DPP10: variants seen among roughly 807,000 people sequenced by gnomAD.
DPP10 encodes the protein inactive dipeptidyl peptidase 10.
DPP10 carries 33 observed loss-of-function variants against 120.9 expected under a neutral mutation model. The ratio of observed to expected loss-of-function variants is 0.27; its 90% CI spans 0.21 to 0.37. The LOEUF (loss-of-function observed/expected upper bound fraction) is 0.37. Among genes scored for constraint, DPP10 ranks in the 10% least tolerant of loss-of-function variants. The pLI is 1.00. For synonymous variants in DPP10, 337 were observed against 326.1 expected, an observed-to-expected ratio of 1.03 and a Z score of -0.36; for missense variants, 816 against 942.8, an observed-to-expected ratio of 0.87 and a Z score of 1.76.
intron 1 of DPP10, among the ~76,000 whole-genome samples, chr2:115,189,709 A>G (rs2054726361): frequency 2.0e-5 from 3 of 152,180 alleles, no homozygotes; most frequent in Admixed American, 2.0e-4. Context: ...GAGAATTTAG[A>G]ATTAATAATG....
At chr2:114,958,402 A>C (rs190357081) in intron 1 of DPP10, among the ~76,000 whole-genome samples, 242 of 152,278 alleles carry the variant, frequency 1.6e-3, no homozygotes, top group Middle Eastern at 0.01. Flanking sequence ...GGCCATATTT[A>C]GCTCACTTTA....
intron 1 of DPP10, among the ~76,000 whole-genome samples, chr2:114,576,116 G>T (rs1023054868): frequency 1.3e-5 from 2 of 152,226 alleles, no homozygotes; most frequent in African/African-American, 2.4e-5. Context: ...GGAAGAGATG[G>T]CAGTGCCAAG....
chr2:114,791,698 T>G (rs1683255123), intron 1 of DPP10, among the ~76,000 whole-genome samples: 1 of 152,178 alleles, frequency 6.6e-6, no homozygotes, highest in Non-Finnish European at 1.5e-5. Flanking sequence ...GTGGCTTGTG[T>G]TAATGACTCA....
chr2:114,665,368 G>A (rs1697841923), intron 1 of DPP10, among the ~76,000 whole-genome samples: 1 of 152,092 alleles, frequency 6.6e-6, no homozygotes, highest in Non-Finnish European at 1.5e-5. Flanking sequence ...CTGCCAGAAG[G>A]GAAATCAGCT....
chr2:114,624,043 G>A (rs1216468198), intron 1 of DPP10, among the ~76,000 whole-genome samples: 3 of 152,032 alleles, frequency 2.0e-5, no homozygotes, highest in East Asian at 3.9e-4. Context: ...CTTAAACAGT[G>A]ACTGGAGCTT....
chr2:114,801,341 T>C (rs1373355155), intron 1 of DPP10, among the ~76,000 whole-genome samples: 1 of 151,608 alleles, frequency 6.6e-6, no homozygotes, highest in Non-Finnish European at 1.5e-5. Flanking sequence ...GATGAATGAT[T>C]CTAGGAGGTG....
At chr2:114,904,060 G>T (rs536040053) in intron 1 of DPP10, among the ~76,000 whole-genome samples, 1 of 152,284 alleles carries the variant, frequency 6.6e-6, no homozygotes, top group East Asian at 1.9e-4. Context: ...TACCTAAAAA[G>T]GTGGAAGTGA....
chr2:115,735,686 T>C (rs1482744676), intron 8 of DPP10, among the ~76,000 whole-genome samples: 1 of 42,954 alleles, frequency 2.3e-5, no homozygotes, highest in African/African-American at 2.5e-4. Flanking sequence ...CCCAGCTAAT[T>C]TTTTTTTTTT....
chr2:115,162,258 G>T, intron 1 of DPP10: 1 of 1,559,494 alleles, frequency 6.4e-7, no homozygotes, highest in African/African-American at 1.4e-5. Flanking sequence ...GAGCCGCGGG[G>T]AAGGGGGCAG....
At chr2:115,797,399 C>A (rs528043358) in intron 19 of DPP10, among the ~76,000 whole-genome samples, 1 of 151,962 alleles carries the variant, frequency 6.6e-6, no homozygotes, top group Non-Finnish European at 1.5e-5. Flanking sequence ...ATCATTTGAT[C>A]TTCTATTTGT....
At chr2:115,424,216 C>T (rs1287401205) in intron 3 of DPP10, among the ~76,000 whole-genome samples, 1 of 151,996 alleles carries the variant, frequency 6.6e-6, no homozygotes, top group Non-Finnish European at 1.5e-5. Context: ...GTTTTTACTT[C>T]TCAATATTTT....
chr2:114,630,460 A>G (rs1233194164), intron 1 of DPP10, among the ~76,000 whole-genome samples: 3 of 152,198 alleles, frequency 2.0e-5, no homozygotes, highest in Non-Finnish European at 4.4e-5. Flanking sequence ...TCGAGTTAAT[A>G]GCAATTCTCT....
intron 3 of DPP10, among the ~76,000 whole-genome samples, chr2:115,387,907 A>AG (rs2067059255): frequency 6.6e-6 from 1 of 152,196 alleles, no homozygotes; most frequent in Non-Finnish European, 1.5e-5. Flanking sequence ...CTGTAAACAG[A>AG]GAAAAAAAAG....
intron 1 of DPP10, among the ~76,000 whole-genome samples, chr2:114,649,515 AT>A (rs1023535021): frequency 6.6e-6 from 1 of 151,410 alleles, no homozygotes; most frequent in Non-Finnish European, 1.5e-5. Context: ...TGCCCGGCTA[AT>A]TTTTTTTCTG....
At chr2:114,968,470 G>C (rs1243826929) in intron 1 of DPP10, among the ~76,000 whole-genome samples, 1 of 151,994 alleles carries the variant, frequency 6.6e-6, no homozygotes, top group Non-Finnish European at 1.5e-5. Flanking sequence ...TTTTATCTTT[G>C]ATGTCCAGCA....
chr2:115,393,930 G>A (rs1197394100), intron 3 of DPP10, among the ~76,000 whole-genome samples: 1 of 152,122 alleles, frequency 6.6e-6, no homozygotes, highest in Non-Finnish European at 1.5e-5. Context: ...TGTAATCTAG[G>A]ACCTGAAAGA....
intron 13 of DPP10, among the ~76,000 whole-genome samples, chr2:115,776,297 C>T (rs892491372): frequency 1.4e-4 from 22 of 152,190 alleles, no homozygotes; most frequent in African/African-American, 5.1e-4. Flanking sequence ...GCTATCCCTC[C>T]CCTAGCCCCC....
intron 1 of DPP10, among the ~76,000 whole-genome samples, chr2:115,012,798 A>G (rs1321786052): frequency 6.6e-6 from 1 of 152,252 alleles, no homozygotes; most frequent in East Asian, 1.9e-4. Flanking sequence ...CCAGCTCACC[A>G]GCAATAGATC....
intron 1 of DPP10, among the ~76,000 whole-genome samples, chr2:115,124,697 T>G: frequency 6.6e-6 from 1 of 152,260 alleles, no homozygotes; most frequent in East Asian, 1.9e-4. Context: ...TGTCTTTGTT[T>G]CTATCATGTA....
Sources: allele counts gnomAD v4.1 joint callset (sites outside exome capture counted in the v4.1 genomes callset), GRCh38; gene constraint gnomAD v4.1.1; transcripts MANE v1.5; gene names NCBI Gene and HGNC (gene_info 2026-07-23, HGNC 2026-07-21).